GSDME: variants seen among roughly 807,000 people sequenced by gnomAD.
GSDME encodes gasdermin E.
Under a neutral mutation model 47.5 loss-of-function variants are expected in GSDME, and 44 were observed. The observed-to-expected ratio is 0.93, with a 90% CI of 0.73 to 1.19. The LOEUF is 1.19. Ranked by LOEUF, GSDME falls within the 50% of genes most tolerant of loss-of-function variation. The pLI is 0.00. For synonymous variants in GSDME, 258 were observed against 252.8 expected (o/e 1.02, Z -0.20); for missense variants, 663 against 604.2 (o/e 1.10, Z -1.02).
the GSDME span, among the ~76,000 whole-genome samples, chr7:24,790,095 A>G: frequency 6.6e-6 from 1 of 152,222 alleles, no homozygotes; most frequent in Non-Finnish European, 1.5e-5. This position sits in a 1 kb window ranked among gnomAD's most constrained non-coding sequence, Gnocchi z 4.1. Flanking sequence ...GTCTTCAACT[A>G]CTTGCCCTTG....
chr7:24,779,845 C>A, the GSDME span, among the ~76,000 whole-genome samples: 2 of 152,244 alleles, frequency 1.3e-5, no homozygotes, highest in Non-Finnish European at 2.9e-5. The surrounding 1 kb of genome is among the most constrained non-coding windows in gnomAD (Gnocchi z 6.0). Flanking sequence ...GGAGATGCTT[C>A]TCTCTTCAGC....
At chr7:24,788,754 A>T in the GSDME span, among the ~76,000 whole-genome samples, 1 of 152,142 alleles carries the variant, frequency 6.6e-6, no homozygotes, top group African/African-American at 2.4e-5. The surrounding 1 kb of genome is among the most constrained non-coding windows in gnomAD (Gnocchi z 4.6). Context: ...TCTCAGTACC[A>T]TCATGTTAAA....
In GSDME at chr7:24,724,626, A is replaced by C. The variant is rs1789906921; in HGVS notation, c.405-5408T>G. On this transcript the variant is annotated intron_variant, in intron 3 of 9. Transcript: ENST00000645220. This position sits in a 1 kb window ranked among gnomAD's most constrained non-coding sequence, Gnocchi z 4.8. Reference sequence around the variant, plus strand: ...CGAGAAGAACTCCCTCTCCTCACTCAGGGGCTTGGCTCAACTCCGCCCACC... The same window carrying C: ...CGAGAAGAACTCCCTCTCCTCACTCCGGGGCTTGGCTCAACTCCGCCCACC... The C allele has an allele frequency of 6.6e-6, 1 of 152,280 alleles. No homozygotes were observed. The highest frequency in any genetic ancestry group is 2.1e-4 in the South Asian group (1 of 4,828). 9.4% of individuals were successfully genotyped at this position (152,280 alleles called of 1,614,324 possible).
Position 24,744,641 on chromosome 7 carries a change from C to G in GSDME, c.325G>C (p.Val109Leu), listed in dbSNP as rs202227661. The change falls in exon 3 of 10, where the codon GTA becomes CTA. Residue 109 changes from valine (V) to leucine (L), a missense_variant. By Grantham distance (32) the Val-to-Leu change is conservative. Coordinates refer to ENST00000645220, the MANE Select transcript of GSDME (RefSeq NM_001127453.2). This position sits in a 1 kb window ranked among gnomAD's most constrained non-coding sequence, Gnocchi z 4.5. Reference protein sequence around the residue: ...VKLNLGGSSRVESQSSFGTLR... With the variant: ...VKLNLGGSSRLESQSSFGTLR... Reference sequence around the variant, plus strand: ...GTTCCAAATGAAGACTGGCTCTCTACGCGGCTGCTGCCCCCCAGGTTCAGC... The same window carrying G: ...GTTCCAAATGAAGACTGGCTCTCTAGGCGGCTGCTGCCCCCCAGGTTCAGC... 47 of 1,614,072 alleles carry G rather than the reference C, an allele frequency of 2.9e-5. No individual in the cohort carries two copies. The East Asian group carries it at 1.0e-3, about 34-fold the overall frequency.
At chr7:24,734,896 G>T (rs1790253721) in intron 3 of GSDME, among the ~76,000 whole-genome samples, 1 of 152,154 alleles carries the variant, frequency 6.6e-6, no homozygotes, top group African/African-American at 2.4e-5. Flanking sequence ...AAGGGTAACA[G>T]CAGACAACTT....
intron 3 of GSDME, among the ~76,000 whole-genome samples, chr7:24,720,706 G>C (rs1389005933): frequency 2.0e-5 from 3 of 152,150 alleles, no homozygotes; most frequent in African/African-American, 7.2e-5. Context: ...ACCTGAGGTC[G>C]GGAGTTCGAG....
chr7:24,763,168 G>A, the GSDME span, among the ~76,000 whole-genome samples: 7 of 152,080 alleles, frequency 4.6e-5, no homozygotes, highest in African/African-American at 1.7e-4. This position sits in a 1 kb window ranked among gnomAD's most constrained non-coding sequence, Gnocchi z 4.3. Flanking sequence ...ACATCACATA[G>A]CGGCCATAAC....
chr7:24,713,603 C>A (rs1584061652), intron 5 of GSDME, among the ~76,000 whole-genome samples: 1 of 152,176 alleles, frequency 6.6e-6, no homozygotes, highest in Admixed American at 6.5e-5. Context: ...TCAGTGAGAT[C>A]ACGGGGCAAG....
chr7:24,707,779 G>C (rs1789174911), intron 7 of GSDME: 10 of 487,756 alleles, frequency 2.1e-5, no homozygotes, highest in Non-Finnish European at 3.3e-5. Context: ...GCCATCCGCA[G>C]CTGGAAGGAG....
At chr7:24,737,934 C>G (rs1032691127) in intron 3 of GSDME, among the ~76,000 whole-genome samples, 1 of 152,050 alleles carries the variant, frequency 6.6e-6, no homozygotes, top group Non-Finnish European at 1.5e-5. Flanking sequence ...TAAAATTCAA[C>G]ATCCCTTCAA....
At position 24,732,056 on chromosome 7, in the gene GSDME, T is replaced by C. The variant is rs544186106; in HGVS notation, c.404+12506A>G. ...GATGCCCCGGTTTATTGTGACCAGT[T>C]ACACCTGCCCTGGAAGGAGAAACAC... On this transcript the variant is annotated intron_variant, in intron 3 of 9. Transcript: ENST00000645220. This position sits in a 1 kb window ranked among gnomAD's most constrained non-coding sequence, Gnocchi z 4.8. Among the ~76,000 whole-genome samples, 2 of 152,276 alleles carry C rather than the reference T, an allele frequency of 1.3e-5. No homozygotes were observed. Among genetic ancestry groups the C allele is most frequent in the South Asian group, 4.1e-4 (2 of 4,820 alleles).
chr7:24,758,544 A>G (rs1584117904), upstream of GSDME, among the ~76,000 whole-genome samples: 1 of 152,204 alleles, frequency 6.6e-6, no homozygotes, highest in Non-Finnish European at 1.5e-5. This position sits in a 1 kb window ranked among gnomAD's most constrained non-coding sequence, Gnocchi z 4.6. Context: ...AGAAAATGAA[A>G]TTTCTGCCCT....
the GSDME span, among the ~76,000 whole-genome samples, chr7:24,784,883 A>G: frequency 3.3e-5 from 5 of 152,052 alleles, no homozygotes; most frequent in African/African-American, 1.2e-4. Context: ...CCTCACTGGC[A>G]GCTGATTGGA....
At chr7:24,780,748 G>C in the GSDME span, among the ~76,000 whole-genome samples, 1 of 152,180 alleles carries the variant, frequency 6.6e-6, no homozygotes, top group Admixed American at 6.5e-5. The surrounding 1 kb of genome is among the most constrained non-coding windows in gnomAD (Gnocchi z 4.1). Flanking sequence ...CTCCGCAAGC[G>C]GCAGAGCAGG....
chr7:24,702,911 A>G, intron 8 of GSDME, 78 bp from the exon 9 acceptor site: 1 of 1,276,178 alleles, frequency 7.8e-7, no homozygotes, highest in Non-Finnish European at 1.1e-6. Context: ...GATGGCACCT[A>G]ACTTATATTT....
the GSDME span, among the ~76,000 whole-genome samples, chr7:24,791,088 G>C: frequency 6.6e-6 from 1 of 152,194 alleles, no homozygotes; most frequent in East Asian, 1.9e-4. The surrounding 1 kb of genome is among the most constrained non-coding windows in gnomAD (Gnocchi z 4.8). Flanking sequence ...GCTTGGTCTT[G>C]CCTCCCAGGT....
the GSDME span, among the ~76,000 whole-genome samples, chr7:24,772,943 T>C: frequency 6.6e-6 from 1 of 152,200 alleles, no homozygotes; most frequent in Admixed American, 6.5e-5. The surrounding 1 kb of genome is among the most constrained non-coding windows in gnomAD (Gnocchi z 4.5). Context: ...TTACAGCCAA[T>C]GAGACACCCA....
the GSDME span, among the ~76,000 whole-genome samples, chr7:24,782,740 CT>C: frequency 6.6e-6 from 1 of 152,178 alleles, no homozygotes; most frequent in Non-Finnish European, 1.5e-5. Context: ...TGTTTCCTGA[CT>C]TTTTAATGAT....
chr7:24,778,573 C>A, the GSDME span, among the ~76,000 whole-genome samples: 1 of 152,170 alleles, frequency 6.6e-6, no homozygotes, highest in Non-Finnish European at 1.5e-5. The surrounding 1 kb of genome is among the most constrained non-coding windows in gnomAD (Gnocchi z 5.6). Flanking sequence ...TTGGTTGCCC[C>A]AGGTGTTGGG....
Sources: allele counts gnomAD v4.1 joint callset (sites outside exome capture counted in the v4.1 genomes callset), GRCh38; gene constraint gnomAD v4.1.1; non-coding constraint Gnocchi (gnomAD v3.1); transcripts MANE v1.5; gene names NCBI Gene and HGNC (gene_info 2026-07-23, HGNC 2026-07-21).